The following SARS1 variants were observed in gnomAD, a reference collection of about 807,000 sequenced individuals.
SARS1 encodes seryl-tRNA synthetase 1, also known as serine--tRNA ligase, cytoplasmic.
A neutral mutation model predicts 63.7 loss-of-function variants in SARS1; 25 were observed. The ratio of observed to expected loss-of-function variants is 0.39; its 90% confidence interval spans 0.29 to 0.55. The LOEUF is 0.55. Ranked by LOEUF, SARS1 falls within the 20% of genes least tolerant of loss-of-function variation. The pLI is 0.62. For missense variants in SARS1, 417 were observed against 649.7 expected (o/e 0.64, Z 3.89); for synonymous variants, 231 against 243.5 (o/e 0.95, Z 0.48).
chr1:109,230,823 T>A (rs1655192441), intron 4 of SARS1, 55 bp from the exon 5 acceptor site: 8 of 1,496,568 alleles, frequency 5.3e-6, no homozygotes, highest in Admixed American at 4.3e-5. Flanking sequence ...AAAAATAATT[T>A]AAAAATAATA....
Position 109,228,374 on chromosome 1 carries a change from A to C in SARS1, c.230A>C (p.Asp77Ala). Residue 77 changes from aspartate to alanine, a missense_variant, in exon 3 of 11, where the codon GAT becomes GCT. Physicochemically the swap from Asp to Ala is moderately radical, Grantham distance 126. Transcript: ENST00000234677. ...CAGAAAAAAGAGCCAGTGGGAGATG[A>C]TGAGTCTGTCCCAGAGAATGTGCTG... ...KMKKKEPVGD[D>A]ESVPENVLSF... 3 of 1,613,420 alleles carry C rather than the reference A, an allele frequency of 1.9e-6. No individual in the cohort carries two copies. The highest frequency in any genetic ancestry group is 2.5e-6 in the Non-Finnish European group (3 of 1,179,670).
In SARS1 at chr1:109,237,221, C is replaced by T. The variant is rs945745187; in HGVS notation, c.1258-23C>T. ...CCGATGAGAGTTGAGCCCGACTTCC[C>T]CTCTGGGACCCTGTCTTCCCAGGTG... is the stretch of plus-strand genomic sequence containing the variant. On this transcript the variant is annotated intron_variant, in intron 9 of 10. Coordinates refer to ENST00000234677, the MANE Select transcript of SARS1 (RefSeq NM_006513.4). This position sits in a 1 kb window ranked among gnomAD's most constrained non-coding sequence, Gnocchi z 4.1. 1.2e-6 allele frequency: 2 copies of T among 1,601,718 alleles called. No homozygotes were observed. Among genetic ancestry groups the T allele is most frequent in the Non-Finnish European group, 8.5e-7 (1 of 1,175,044 alleles).
chr1:109,226,342 T>C (rs1332383964), intron 2 of SARS1, among the ~76,000 whole-genome samples: 1 of 148,640 alleles, frequency 6.7e-6, no homozygotes, highest in East Asian at 2.0e-4. Context: ...GGAGATTTAG[T>C]CCTTTTGTTC....
chr1:109,226,412 C>T (rs1289848124), intron 2 of SARS1, among the ~76,000 whole-genome samples: 2 of 149,204 alleles, frequency 1.3e-5, no homozygotes, highest in African/African-American at 4.9e-5. Flanking sequence ...AGCGCAGTGG[C>T]GTGATCATAG....
rs1199363733 is a variant in SARS1, at chr1:109,214,992, T to A, written c.136+864T>A. The A allele has an allele frequency of 1.0e-6, 1 of 985,450 alleles. No homozygotes were observed. Among genetic ancestry groups the A allele is most frequent in the East Asian group, 1.1e-4 (1 of 8,818 alleles). 61.0% of individuals were successfully genotyped at this position (985,450 alleles called of 1,614,324 possible). ...TGCTGTCAAGTACTTGTGATTTGAT[T>A]TGTCTGATGCAATAGGTCTGCAACC... is the stretch of plus-strand genomic sequence containing the variant. On this transcript the variant is annotated intron_variant, in intron 1 of 10. Transcript: ENST00000234677. This position sits in a 1 kb window ranked among gnomAD's most constrained non-coding sequence, Gnocchi z 4.6.
At chr1:109,225,099 C>T (rs946053557) in intron 2 of SARS1, among the ~76,000 whole-genome samples, 1 of 152,090 alleles carries the variant, frequency 6.6e-6, no homozygotes, top group Admixed American at 6.6e-5. Context: ...TCCAGTGAAA[C>T]CCTGTCTCCA....
rs765770605 is a variant in SARS1, at chr1:109,237,300, C to T, written c.1314C>T (p.Cys438=). 5.1e-5 allele frequency: 82 copies of T among 1,614,040 alleles called. No individual in the cohort carries two copies. The highest frequency in any genetic ancestry group is 6.3e-5 in the Non-Finnish European group (74 of 1,180,042). ...ATMCATTRTI[C]AILENYQTEK... ...TGTGCGCCACTACCCGTACCATCTG[C>T]GCCATCCTGGAGAACTACCAGACAG... The change falls in exon 10 of 11, where the codon TGC becomes TGT. Residue 438 remains cysteine (C), a synonymous_variant. Transcript: ENST00000234677. The surrounding 1 kb of genome is among the most constrained non-coding windows in gnomAD (Gnocchi z 4.1).
chr1:109,224,230 A>G (rs920239246), intron 2 of SARS1, among the ~76,000 whole-genome samples, 182 bp downstream of exon 2: 4 of 152,228 alleles, frequency 2.6e-5, no homozygotes, highest in African/African-American at 7.2e-5. Flanking sequence ...AGGCATTTTC[A>G]TATACTTTAC....
At chr1:109,226,697 T>TAC (rs369144830) in intron 2 of SARS1, among the ~76,000 whole-genome samples, 22 of 104,150 alleles carry the variant, frequency 2.1e-4, no homozygotes, top group African/African-American at 6.5e-4. Flanking sequence ...TATATATATA[T>TAC]ACACACACAC....
chr1:109,222,079 G>A (rs552873085), intron 1 of SARS1, among the ~76,000 whole-genome samples: 163 of 121,386 alleles, frequency 1.3e-3, no homozygotes, highest in Non-Finnish European at 2.1e-3. Context: ...GCCCAGGCTG[G>A]TCTCGAATTC....
intron 3 of SARS1, 42 bp from the exon 4 acceptor site, chr1:109,229,372 G>A: frequency 6.2e-7 from 1 of 1,601,662 alleles, no homozygotes; most frequent in East Asian, 2.2e-5. Flanking sequence ...TGCTGTCCTT[G>A]CCTCACTGTC....
At chr1:109,215,244 A>G (rs1654757514) in intron 1 of SARS1, 2 of 985,444 alleles carry the variant, frequency 2.0e-6, no homozygotes, top group Non-Finnish European at 2.4e-6. Flanking sequence ...TCGAGTTGCA[A>G]TGGAATTTAA....
In SARS1 at chr1:109,229,588, G is replaced by A. The variant is rs374385584; in HGVS notation, c.447+16G>A. The stretch of plus-strand genomic sequence containing the variant: ...TAACGATGAGGTAGGTGGCTGTGCC[G>A]CAGCAGGAGGCTGCCTTAGGTCGCT... On this transcript the variant is annotated intron_variant, in intron 4 of 10. Coordinates refer to ENST00000234677, the MANE Select transcript of SARS1 (RefSeq NM_006513.4). 188 of 1,604,306 alleles carry A rather than the reference G, an allele frequency of 1.2e-4. 1 individual carries two copies. The African/African-American group carries it at 1.3e-3, about 11-fold the overall frequency.
chr1:109,228,254 A>C, intron 2 of SARS1, 98 bp from the exon 3 acceptor site: 600 of 646,176 alleles, frequency 9.3e-4, no homozygotes, highest in Non-Finnish European at 1.4e-3. Flanking sequence ...AAGTTCTGTG[A>C]TTCATTTATA....
chr1:109,234,827 G>A (rs909916854), intron 6 of SARS1, among the ~76,000 whole-genome samples: 4 of 152,154 alleles, frequency 2.6e-5, no homozygotes, highest in Non-Finnish European at 2.9e-5. Context: ...TTAGCTGAGC[G>A]TGGTGGCGCG....
At chr1:109,228,884 C>T (rs769022965) in intron 3 of SARS1, among the ~76,000 whole-genome samples, 4 of 152,140 alleles carry the variant, frequency 2.6e-5, no homozygotes, top group African/African-American at 7.2e-5. Context: ...TTGAAGGTCT[C>T]GGATTGGGGG....
rs1425751891 is a variant in SARS1, at chr1:109,237,423, T to C, written c.1387+50T>C. On this transcript the variant is annotated intron_variant, in intron 10 of 10. Transcript: ENST00000234677. This position sits in a 1 kb window ranked among gnomAD's most constrained non-coding sequence, Gnocchi z 4.1. Reference sequence around the variant, plus strand: ...GTTCTCCTCTTTTCTGTCTTCACACTCTTCTAAATAGCAGTCCCCTTTCAG... The same window carrying C: ...GTTCTCCTCTTTTCTGTCTTCACACCCTTCTAAATAGCAGTCCCCTTTCAG... 1.2e-6 allele frequency: 2 copies of C among 1,612,886 alleles called. No individual in the cohort carries two copies. The highest frequency in any genetic ancestry group is 1.1e-5 in the South Asian group (1 of 90,904).
chr1:109,233,022 A>G (rs1043389250), intron 6 of SARS1, among the ~76,000 whole-genome samples: 4 of 152,176 alleles, frequency 2.6e-5, no homozygotes, highest in African/African-American at 7.2e-5. Context: ...AAGAATGAAT[A>G]TATCGCTGCC....
intron 2 of SARS1, among the ~76,000 whole-genome samples, chr1:109,227,445 C>T (rs1246578663): frequency 3.3e-5 from 5 of 152,238 alleles, no homozygotes; most frequent in African/African-American, 1.2e-4. Context: ...ACCCTGGTTA[C>T]ACCCCTGCCA....
Sources: allele counts gnomAD v4.1 joint callset (sites outside exome capture counted in the v4.1 genomes callset), GRCh38; gene constraint gnomAD v4.1.1; non-coding constraint Gnocchi (gnomAD v3.1); transcripts MANE v1.5; gene names NCBI Gene and HGNC (gene_info 2026-07-23, HGNC 2026-07-21).